ADGRG2: variants seen among roughly 807,000 people sequenced by gnomAD.
ADGRG2 encodes the protein G protein-coupled receptor 64.
Under a neutral mutation model 74.1 loss-of-function variants are expected in ADGRG2, and 26 were observed. The ratio of observed to expected loss-of-function variants is 0.35; its 90% confidence interval spans 0.26 to 0.49. The LOEUF is 0.49. ADGRG2 is among the 20% of genes least tolerant of loss of function. ADGRG2 has a pLI of 0.99. For synonymous variants in ADGRG2, 296 were observed against 295.2 expected, an observed-to-expected ratio of 1.00 and a Z score of -0.03; for missense variants, 619 against 763.1, an observed-to-expected ratio of 0.81 and a Z score of 2.22.
chrX:19,101,897 C>T (rs2062194830), intron 1 of ADGRG2, among the ~76,000 whole-genome samples: 1 of 109,847 alleles, frequency 9.1e-6, no homozygotes, highest in Admixed American at 9.7e-5. Flanking sequence ...TCAACAGGTC[C>T]CCAAGAGCAA....
In ADGRG2 at chrX:19,049,455, T is replaced by TTTTTTTTTTTTTG. The variant is rs1328733136; in HGVS notation, c.119-9232_119-9231insCAAAAAAAAAAAA. ...TTTTTTGTGTTTTTTTTTTTTTTTT[T>TTTTTTTTTTTTTG]TTGTTGTTGTTGTTTTGCTACCAAG... On this transcript the variant is annotated intron_variant, in intron 3 of 28. Transcript: ENST00000379869. Among the ~76,000 whole-genome samples the TTTTTTTTTTTTTG allele has an allele frequency of 2.4e-4, 22 of 90,962 alleles. 1 individual carries two copies. The highest frequency in any genetic ancestry group is 7.2e-4 in the African/African-American group (15 of 20,703). 79.0% of individuals were successfully genotyped at this position (90,962 alleles called of 115,157 possible).
At chrX:19,122,702 C>G (rs1486099485), upstream of ADGRG2, 6 of 108,706 alleles carry the variant, frequency 5.5e-5, no homozygotes, top group Non-Finnish European at 1.2e-4. Flanking sequence ...CGGCCGAAGC[C>G]GGGCTGGGAG....
intron 1 of ADGRG2, among the ~76,000 whole-genome samples, chrX:19,106,792 C>T (rs916922149): frequency 9.1e-6 from 1 of 109,316 alleles, no homozygotes; most frequent in African/African-American, 3.3e-5. Flanking sequence ...TGGTGGCGGG[C>T]ACCTACAATC....
chrX:19,015,894 A>G (rs1048797187), intron 15 of ADGRG2, among the ~76,000 whole-genome samples: 1 of 112,104 alleles, frequency 8.9e-6, no homozygotes, highest in Non-Finnish European at 1.9e-5. Context: ...AATTTTCTTC[A>G]GCTTATCTGG....
chrX:19,050,897 C>T (rs73445670), intron 3 of ADGRG2, among the ~76,000 whole-genome samples: 316 of 111,246 alleles, frequency 2.8e-3, no homozygotes, highest in African/African-American at 9.7e-3. Context: ...GGACAGTGCC[C>T]GGACCTCACA....
intron 16 of ADGRG2, 109 bp from the exon 17 acceptor site, chrX:19,010,887 C>T (rs1419120523): frequency 2.0e-6 from 1 of 499,304 alleles, no homozygotes. Flanking sequence ...GGGTATTTGC[C>T]CCAGATAAAT....
intron 3 of ADGRG2, among the ~76,000 whole-genome samples, chrX:19,061,900 C>T (rs2061494972): frequency 8.9e-6 from 1 of 111,741 alleles, no homozygotes; most frequent in Non-Finnish European, 1.9e-5. Flanking sequence ...TCTCAATGGC[C>T]TCTCCAGAGA....
At chrX:19,091,567 G>C (rs2062018211) in intron 1 of ADGRG2, among the ~76,000 whole-genome samples, 1 of 109,760 alleles carries the variant, frequency 9.1e-6, no homozygotes, top group African/African-American at 3.3e-5. Context: ...ATGGGTATTA[G>C]AGTTCAGAAA....
At chrX:19,100,607 C>T (rs1233083137) in intron 1 of ADGRG2, among the ~76,000 whole-genome samples, 1 of 113,553 alleles carries the variant, frequency 8.8e-6, no homozygotes, top group East Asian at 2.7e-4. Flanking sequence ...GTGTATTTTA[C>T]TCAAATACCG....
chrX:19,078,471 C>T (rs762715710), intron 2 of ADGRG2, among the ~76,000 whole-genome samples: 112 of 111,014 alleles, frequency 1.0e-3, no homozygotes, highest in Non-Finnish European at 1.7e-3. Flanking sequence ...GCAAGAGGAT[C>T]GCTTGAGGCA....
intron 1 of ADGRG2, among the ~76,000 whole-genome samples, chrX:19,086,165 G>A (rs773864675): frequency 1.6e-4 from 18 of 111,894 alleles, no homozygotes; most frequent in African/African-American, 5.5e-4. Context: ...TCCTAGAGAA[G>A]CGGAACAGGA....
At chrX:19,076,192 G>A (rs1465133398) in intron 2 of ADGRG2, among the ~76,000 whole-genome samples, 1 of 111,964 alleles carries the variant, frequency 8.9e-6, no homozygotes, top group African/African-American at 3.2e-5. Context: ...CAATGAGGAA[G>A]GGGAGTGCCC....
At chrX:19,117,943 GAAA>G (rs369024078) in intron 1 of ADGRG2, among the ~76,000 whole-genome samples, 1 of 97,898 alleles carries the variant, frequency 1.0e-5, no homozygotes, top group African/African-American at 3.7e-5. Flanking sequence ...CTTTCAATGG[GAAA>G]AAAAAAAAAA....
intron 1 of ADGRG2, among the ~76,000 whole-genome samples, chrX:19,084,082 G>T (rs766183576): frequency 8.0e-5 from 9 of 112,071 alleles, no homozygotes; most frequent in Non-Finnish European, 1.7e-4. Flanking sequence ...ACTGGATAAA[G>T]AAAATGTGGC....
At chrX:19,012,893 C>G (rs1217333761) in intron 16 of ADGRG2, among the ~76,000 whole-genome samples, 5 of 111,348 alleles carry the variant, frequency 4.5e-5, no homozygotes, top group Non-Finnish European at 9.4e-5. Flanking sequence ...CTCTCAGCTT[C>G]TTTCCCTCTT....
chrX:18,998,513 AAT>A (rs1395807497), intron 26 of ADGRG2, among the ~76,000 whole-genome samples: 1 of 110,361 alleles, frequency 9.1e-6, no homozygotes, highest in African/African-American at 3.3e-5. Flanking sequence ...CTCAATAATA[AAT>A]ATGTTTTTCA....
intron 28 of ADGRG2, among the ~76,000 whole-genome samples, chrX:18,992,045 C>T (rs1013658000): frequency 2.7e-5 from 3 of 111,536 alleles, no homozygotes; most frequent in Admixed American, 9.5e-5. Context: ...AACTGTGATC[C>T]TTGTGGTCCT....
At chrX:19,052,779 T>G (rs1371201280) in intron 3 of ADGRG2, among the ~76,000 whole-genome samples, 2 of 109,034 alleles carry the variant, frequency 1.8e-5, no homozygotes, top group Non-Finnish European at 1.9e-5. Flanking sequence ...AACCTACACC[T>G]CCCAGGTTCA....
chrX:19,008,106 T>C lies in ADGRG2; in HGVS notation c.1440A>G (p.Gln480=), dbSNP rs2060274557. The change falls in exon 19 of 29, where the codon CAA becomes CAG. Residue 480 remains glutamine, a synonymous_variant. Transcript: ENST00000379869. ...TTGTGCCAATACTGTTCTCAGGAGC[T>C]TGGGTTTCCAGAGAAACCTGAAAAT... ...PANLQVSLET[Q]APENSIGTIT... 2.5e-6 allele frequency: 3 copies of C among 1,183,511 alleles called. No homozygotes were observed. The African/African-American group carries it at 5.3e-5, about 21-fold the overall frequency.
Sources: allele counts gnomAD v4.1 joint callset (sites outside exome capture counted in the v4.1 genomes callset), GRCh38; gene constraint gnomAD v4.1.1; transcripts MANE v1.5; gene names NCBI Gene and HGNC (gene_info 2026-07-23, HGNC 2026-07-21).